MAP4K5: variants seen among roughly 807,000 people sequenced by gnomAD.
MAP4K5 encodes MAPK/ERK kinase kinase kinase 5.
Under a neutral mutation model 135.6 loss-of-function variants are expected in MAP4K5, and 82 were observed. The observed-to-expected ratio is 0.60, with a 90% CI of 0.51 to 0.73. The LOEUF is 0.73. Ranked by LOEUF, MAP4K5 falls within the 30% of genes least tolerant of loss-of-function variation. The pLI, the probability that MAP4K5 is intolerant of heterozygous loss-of-function variation, is 0.00. For missense variants in MAP4K5, 907 were observed against 1,010.9 expected, an observed-to-expected ratio of 0.90 and a Z score of 1.39; for synonymous variants, 347 against 335.0, an observed-to-expected ratio of 1.04 and a Z score of -0.39.
At chr14:50,520,770 G>T (rs567283091) in intron 2 of MAP4K5, among the ~76,000 whole-genome samples, 3 of 151,370 alleles carry the variant, frequency 2.0e-5, no homozygotes, top group African/African-American at 7.3e-5. Context: ...AAACGGGACC[G>T]TTTCTGGTTT....
intron 9 of MAP4K5, among the ~76,000 whole-genome samples, chr14:50,470,106 G>A (rs1188323156): frequency 6.6e-6 from 1 of 152,156 alleles, no homozygotes; most frequent in African/African-American, 2.4e-5. Flanking sequence ...GGCTGAGGTG[G>A]AGCCCAGAGA....
intron 2 of MAP4K5, among the ~76,000 whole-genome samples, chr14:50,537,622 C>A (rs1229844632): frequency 6.6e-6 from 1 of 152,236 alleles, no homozygotes; most frequent in Admixed American, 6.5e-5. Context: ...CCTGCAAAGC[C>A]ACAGGGGCAG....
At chr14:50,514,639 G>T (rs1158722411) in intron 2 of MAP4K5, among the ~76,000 whole-genome samples, 1 of 152,292 alleles carries the variant, frequency 6.6e-6, no homozygotes, top group South Asian at 2.1e-4. Flanking sequence ...GCTTCCAGGA[G>T]AAAGTAAATT....
At chr14:50,425,868 G>A in intron 31 of MAP4K5, 39 bp downstream of exon 31, 1 of 1,411,946 alleles carries the variant, frequency 7.1e-7, no homozygotes, top group Non-Finnish European at 1.0e-6. Context: ...ATTTAAAATT[G>A]TTAGTGGGAG....
At chr14:50,524,329 T>C (rs2038213704) in intron 2 of MAP4K5, among the ~76,000 whole-genome samples, 1 of 152,084 alleles carries the variant, frequency 6.6e-6, no homozygotes, top group African/African-American at 2.4e-5. Context: ...ATACCTCAAC[T>C]CTACTCTTAA....
At chr14:50,525,738 G>C (rs962653721) in intron 2 of MAP4K5, among the ~76,000 whole-genome samples, 2 of 152,176 alleles carry the variant, frequency 1.3e-5, no homozygotes, top group Non-Finnish European at 2.9e-5. Flanking sequence ...CAGCTACTCA[G>C]GAGGCTGAAG....
At chr14:50,481,791 T>G (rs1179484076) in intron 6 of MAP4K5, among the ~76,000 whole-genome samples, 1 of 152,238 alleles carries the variant, frequency 6.6e-6, no homozygotes, top group Non-Finnish European at 1.5e-5. Context: ...GAAACCTGTT[T>G]AATGCAATGT....
chr14:50,521,979 A>C (rs1005590605), intron 2 of MAP4K5, among the ~76,000 whole-genome samples: 6 of 152,178 alleles, frequency 3.9e-5, no homozygotes, highest in Non-Finnish European at 5.9e-5. Flanking sequence ...ACAAAGCCCC[A>C]AAAACACAAG....
At chr14:50,537,249 C>T (rs553555661), upstream of MAP4K5, among the ~76,000 whole-genome samples, 1 of 152,206 alleles carries the variant, frequency 6.6e-6, no homozygotes, top group African/African-American at 2.4e-5. Flanking sequence ...AAGCCTCCAG[C>T]CTTGGCAGCT....
At position 50,423,111 on chromosome 14, in the gene MAP4K5, AAACT is replaced by A; in HGVS notation, c.2453+6_2453+9del. 6.9e-7 allele frequency: 1 copy of A among 1,451,170 alleles called. No individual in the cohort carries two copies. Among genetic ancestry groups the A allele is most frequent in the Non-Finnish European group, 9.6e-7 (1 of 1,043,126 alleles). 89.9% of individuals were successfully genotyped at this position (1,451,170 alleles called of 1,614,324 possible). A position where few individuals can be genotyped will look rare whatever the true frequency, so the allele number is the denominator to read the frequency against. ...CTTTGGTAATTAAATTAATACAACCAAACTATTACCTGTCTGATCCTAATAAGCG... is the reference window on the plus strand; with the variant it reads ...CTTTGGTAATTAAATTAATACAACCAATTACCTGTCTGATCCTAATAAGCG... On this transcript the variant is annotated splice_donor_region_variant and intron_variant, in intron 32 of 32. Transcript: ENST00000682126.
At chr14:50,488,432 T>C (rs1417109805) in intron 3 of MAP4K5, among the ~76,000 whole-genome samples, 2 of 152,192 alleles carry the variant, frequency 1.3e-5, no homozygotes, top group Non-Finnish European at 2.9e-5. Context: ...CTTTTAAATG[T>C]GCACAGAAGC....
At chr14:50,438,305 G>C (rs2139685928) in intron 23 of MAP4K5, 1 of 324,060 alleles carries the variant, frequency 3.1e-6, no homozygotes, top group African/African-American at 2.2e-5. Flanking sequence ...AGAAATTGTT[G>C]TACAAAATCT....
intron 21 of MAP4K5, among the ~76,000 whole-genome samples, chr14:50,441,027 T>C (rs2036213218): frequency 6.6e-6 from 1 of 152,194 alleles, no homozygotes; most frequent in Admixed American, 6.6e-5. Context: ...TCAAAAATTC[T>C]GGGACAATTT....
intron 1 of MAP4K5, chr14:50,560,100 C>G: frequency 1.3e-6 from 1 of 754,682 alleles, no homozygotes; most frequent in Non-Finnish European, 2.2e-6. Flanking sequence ...TTTCTCCTCC[C>G]TTTTCCTCCC....
chr14:50,478,273 CTTG>C lies in MAP4K5; in HGVS notation c.379-1970_379-1968del, dbSNP rs572447867. Among the ~76,000 whole-genome samples the C allele has an allele frequency of 9.7e-3, 384 of 39,434 alleles. 2 individuals are homozygous for C. Among genetic ancestry groups the C allele is most frequent in the African/African-American group, 0.015 (364 of 24,376 alleles). The allele number at this position is 39,434 out of a possible 152,430, so 25.9% of individuals were successfully genotyped here. A position where few individuals can be genotyped will look rare whatever the true frequency, so the allele number is the denominator to read the frequency against. On this transcript the variant is annotated intron_variant, in intron 6 of 32. Coordinates refer to ENST00000682126, the MANE Select transcript of MAP4K5 (RefSeq NM_006575.6). Reference sequence around the variant, plus strand: ...CATCATTCATTTCTGATGCTTATCACTTGTTTCTTCTCTTTTTACTTTTTTTCC... The same window carrying C: ...CATCATTCATTTCTGATGCTTATCACTTTCTTCTCTTTTTACTTTTTTTCC...
chr14:50,452,975 C>CT (rs2036523815), intron 14 of MAP4K5, among the ~76,000 whole-genome samples: 1 of 152,302 alleles, frequency 6.6e-6, no homozygotes, highest in African/African-American at 2.4e-5. Flanking sequence ...CATTTCCCCC[C>CT]ACTTTTTGCT....
Position 50,456,567 on chromosome 14 carries a change from TAA to T in MAP4K5, c.962_963del (p.Ile321LysfsTer10). The T allele has an allele frequency of 6.3e-7, 1 of 1,577,686 alleles. No homozygotes were observed. The highest frequency in any genetic ancestry group is 8.6e-7 in the Non-Finnish European group (1 of 1,160,274). On this transcript the variant is annotated frameshift_variant, in exon 14 of 33. Coordinates refer to ENST00000682126, the MANE Select transcript of MAP4K5 (RefSeq NM_006575.6). LOFTEE classifies it high-confidence loss of function. The part of the protein sequence containing the change: ...FEPHAIIRHT[I>X]RSTNRNARAE... The stretch of plus-strand genomic sequence containing the variant: ...GCTCTGGCATTCCTGTTTGTAGATC[TAA>T]TGGTATGACGAATGATTGCATGGGG...
At chr14:50,476,105 T>C in intron 8 of MAP4K5, 23 bp downstream of exon 8, 1 of 1,384,084 alleles carries the variant, frequency 7.2e-7, no homozygotes, top group Non-Finnish European at 9.6e-7. Context: ...TGGAAAAAAT[T>C]TTAGGAATTT....
At chr14:50,428,782 G>A in intron 29 of MAP4K5, 28 bp from the exon 30 acceptor site, 1 of 1,063,308 alleles carries the variant, frequency 9.4e-7, no homozygotes. Flanking sequence ...AGTCAAGACT[G>A]GACATGCAAA....
Sources: allele counts gnomAD v4.1 joint callset (sites outside exome capture counted in the v4.1 genomes callset), GRCh38; gene constraint gnomAD v4.1.1; transcripts MANE v1.5; gene names NCBI Gene and HGNC (gene_info 2026-07-23, HGNC 2026-07-21).